Variants in GYS1 observed in about 807,000 individuals in gnomAD.
GYS1 encodes glycogen [starch] synthase, muscle.
In GYS1, 60 loss-of-function variants were observed where a neutral mutation model predicts 89.1. The ratio of observed to expected loss-of-function variants is 0.67; its 90% CI spans 0.55 to 0.84. The LOEUF (loss-of-function observed/expected upper bound fraction) is 0.84, where lower values mean the gene tolerates loss of function less well. Ranked by LOEUF, GYS1 falls within the 40% of genes least tolerant of loss-of-function variation. GYS1 has a pLI of 0.00. For synonymous variants in GYS1, 366 were observed against 401.7 expected, an observed-to-expected ratio of 0.91 and a Z score of 1.06; for missense variants, 888 against 1,003.1, an observed-to-expected ratio of 0.89 and a Z score of 1.55.
At chr19:48,969,724 G>A (rs1273805675) in intron 15 of GYS1, 51 bp downstream of exon 15, 4 of 1,591,342 alleles carry the variant, frequency 2.5e-6, no homozygotes, top group East Asian at 2.2e-5. Context: ...CCACCCCACC[G>A]AAGCCCAGCC....
rs542232904 is a variant in GYS1 at position 48,992,727 on chromosome 19, A to C, written c.118+268T>G. Among the ~76,000 whole-genome samples the C allele has an allele frequency of 1.1e-4, 16 of 152,122 alleles. No homozygotes were observed. In the East Asian group the frequency reaches 3.1e-3, roughly 29 times the overall value. Reference sequence around the variant, plus strand: ...GGACCCAGGTATCTAGTCTCTCGGAAGCCTGCCTCCAGGACCTAGGAGTCT... The same window carrying C: ...GGACCCAGGTATCTAGTCTCTCGGACGCCTGCCTCCAGGACCTAGGAGTCT... On this transcript the variant is annotated intron_variant, in intron 1 of 15. Transcript: ENST00000323798.
chr19:48,978,983 C>T (rs2038705009), intron 8 of GYS1, among the ~76,000 whole-genome samples: 1 of 152,152 alleles, frequency 6.6e-6, no homozygotes, highest in East Asian at 1.9e-4. Flanking sequence ...TGGTCAGGGA[C>T]AGGTGGCCTT....
At chr19:48,975,761 A>C (rs1439338484) in intron 10 of GYS1, among the ~76,000 whole-genome samples, 1 of 151,920 alleles carries the variant, frequency 6.6e-6, no homozygotes, top group Non-Finnish European at 1.5e-5. Flanking sequence ...CCCCGTCTCT[A>C]CTAAAAATAC....
intron 1 of GYS1, among the ~76,000 whole-genome samples, chr19:48,992,574 A>T (rs1158105575): frequency 1.5e-5 from 2 of 131,618 alleles, no homozygotes; most frequent in African/African-American, 3.1e-5. Flanking sequence ...CCTATCTCCC[A>T]GTCAGCTCTC....
chr19:48,973,161 T>C (rs2038591336), intron 12 of GYS1, among the ~76,000 whole-genome samples: 1 of 152,148 alleles, frequency 6.6e-6, no homozygotes, highest in Non-Finnish European at 1.5e-5. Context: ...CATGGTTTTA[T>C]AAATGTTCGT....
rs1486270733 is a variant in GYS1, at chr19:48,970,919, G to A, written c.1645+9C>T. ...CCCTTCCAGAATCCTCAGGGGCCTG[G>A]GCGCTGACCGTAAGCTGAGGGGTCT... On this transcript the variant is annotated intron_variant, in intron 13 of 15. Coordinates refer to ENST00000323798, the MANE Select transcript of GYS1 (RefSeq NM_002103.5). The A allele has an allele frequency of 1.9e-6, 3 of 1,604,778 alleles. No homozygotes were observed. The highest frequency in any genetic ancestry group is 2.6e-6 in the Non-Finnish European group (3 of 1,171,618).
intron 5 of GYS1, 140 bp downstream of exon 5, chr19:48,985,321 G>C (rs1600146928): frequency 1.2e-6 from 1 of 830,080 alleles, no homozygotes; most frequent in East Asian, 2.7e-5. Flanking sequence ...ACAGGTGTGA[G>C]CCACCATGCC....
At chr19:48,990,061 G>A (rs934217159) in intron 2 of GYS1, among the ~76,000 whole-genome samples, 5 of 145,098 alleles carry the variant, frequency 3.4e-5, no homozygotes, top group Non-Finnish European at 4.5e-5. Flanking sequence ...CTCAGGAAGC[G>A]ACTGGGCTGT....
intron 10 of GYS1, among the ~76,000 whole-genome samples, chr19:48,976,201 T>C (rs888070536): frequency 1.3e-5 from 2 of 152,110 alleles, no homozygotes; most frequent in African/African-American, 4.8e-5. Flanking sequence ...TAGGGACTAT[T>C]GGAAATTATA....
rs764270310 is a variant in GYS1, at chr19:48,985,503, T to C, written c.781A>G (p.Ile261Val). The C allele has an allele frequency of 1.2e-6, 2 of 1,614,020 alleles. No individual in the cohort carries two copies. Among genetic ancestry groups the C allele is most frequent in the Middle Eastern group, 1.6e-4 (1 of 6,084 alleles). Reference protein sequence around the residue: ...CAHVFTTVSQITAIEAQHLLK... With the variant: ...CAHVFTTVSQVTAIEAQHLLK... ...AAGTGCTGTGCCTCGATGGCGGTGA[T>C]CTGGGACACAGTAGTGAAGACGTGA... Residue 261 changes from isoleucine to valine, a missense_variant, in exon 5 of 16, where the codon ATC becomes GTC. By Grantham distance (29) the Ile-to-Val change is conservative. Transcript: ENST00000323798.
In GYS1 at chr19:48,974,718, G is replaced by C. The variant is rs142951866; in HGVS notation, c.1324C>G (p.Pro442Ala). ...IFATQRQSFP[P>A]VCTHNMLDDS... Reference sequence around the variant, plus strand: ...TCCAGCATATTGTGGGTGCACACAGGGGGGAAAGACTGCCGCTGCAGGAGC... The same window carrying C: ...TCCAGCATATTGTGGGTGCACACAGCGGGGAAAGACTGCCGCTGCAGGAGC... The change falls in exon 11 of 16, where the codon CCT becomes GCT. Residue 442 changes from proline (P) to alanine (A), a missense_variant. By Grantham distance (27) the Pro-to-Ala change is conservative. Coordinates refer to ENST00000323798, the MANE Select transcript of GYS1 (RefSeq NM_002103.5). 372 of 1,612,934 alleles carry C rather than the reference G, an allele frequency of 2.3e-4. 1 individual carries two copies. The highest frequency in any genetic ancestry group is 1.1e-3 in the African/African-American group (85 of 74,966).
intron 10 of GYS1, among the ~76,000 whole-genome samples, chr19:48,975,890 C>T (rs1415426744): frequency 1.9e-4 from 24 of 123,288 alleles, no homozygotes; most frequent in East Asian, 4.6e-4. Flanking sequence ...CCAGCCTGGG[C>T]GACAGAGCGA....
At position 48,968,511 on chromosome 19, in the gene GYS1, T is replaced by C. The variant is rs899217404; in HGVS notation, c.*777A>G. 8 of 454,516 alleles carry C rather than the reference T, an allele frequency of 1.8e-5. 1 individual carries two copies. Among genetic ancestry groups the C allele is most frequent in the Non-Finnish European group, 3.5e-5 (8 of 226,780 alleles). 28.2% of individuals were successfully genotyped at this position (454,516 alleles called of 1,614,324 possible). On this transcript the variant is annotated 3_prime_UTR_variant, in exon 16 of 16. Coordinates refer to ENST00000323798, the MANE Select transcript of GYS1 (RefSeq NM_002103.5). The stretch of plus-strand genomic sequence containing the variant: ...CTCTGTCCTCTGCAGGCGGATTCCC[T>C]GGAGGGAGATCTCAGATTTAGAAAG...
intron 8 of GYS1, among the ~76,000 whole-genome samples, chr19:48,978,941 G>C (rs2038704225): frequency 6.6e-6 from 1 of 152,184 alleles, no homozygotes; most frequent in Non-Finnish European, 1.5e-5. Context: ...GCCCTGGAAG[G>C]CTTAGGACCC....
At position 48,981,318 on chromosome 19, in the gene GYS1, C is replaced by T. The variant is rs1007394273; in HGVS notation, c.1169+212G>A. 6 of 558,778 alleles carry T rather than the reference C, an allele frequency of 1.1e-5. 1 individual carries two copies. In the South Asian group the frequency reaches 1.1e-4, roughly 11 times the overall value. 34.6% of individuals were successfully genotyped at this position (558,778 alleles called of 1,614,324 possible). A position where few individuals can be genotyped will look rare whatever the true frequency, so the allele number is the denominator to read the frequency against. On this transcript the variant is annotated intron_variant, in intron 8 of 15. Coordinates refer to ENST00000323798, the MANE Select transcript of GYS1 (RefSeq NM_002103.5). ...GTCCCAGCTACTCGAGAGGCTGAGG[C>T]AGATGACTTGCTTGAACCCAGGAGG...
At chr19:48,988,825 A>G (rs542872332) in intron 2 of GYS1, among the ~76,000 whole-genome samples, 23 of 152,180 alleles carry the variant, frequency 1.5e-4, no homozygotes, top group African/African-American at 5.3e-4. Context: ...CATGTTGCCC[A>G]GGCTGGTCTC....
intron 6 of GYS1, 71 bp downstream of exon 6, chr19:48,982,649 C>T (rs1446539520): frequency 1.7e-5 from 20 of 1,159,172 alleles, no homozygotes; most frequent in Non-Finnish European, 2.5e-5. Flanking sequence ...CAGCTGCCCC[C>T]TCCCCCAGAC....
chr19:48,992,940 GC>G (rs1173738900), intron 1 of GYS1, 54 bp downstream of exon 1: 1 of 1,003,914 alleles, frequency 1.0e-6, no homozygotes. Context: ...AGAGTTCCGG[GC>G]CCCCATCCAC....
At chr19:48,992,406 C>T (rs1032599566) in intron 1 of GYS1, among the ~76,000 whole-genome samples, 1 of 135,502 alleles carries the variant, frequency 7.4e-6, no homozygotes, top group Non-Finnish European at 1.6e-5. Context: ...TATTCCAGTA[C>T]GCATGTGTCC....
Sources: gnomAD v4.1 joint callset for allele counts (sites outside exome capture counted in the v4.1 genomes callset) on GRCh38, gnomAD v4.1.1 for gene constraint, MANE v1.5 for transcripts, NCBI Gene and HGNC (gene_info 2026-07-23, HGNC 2026-07-21) for gene names.